CACNB2: variants seen among roughly 807,000 people sequenced by gnomAD.
The protein encoded by CACNB2 is voltage-dependent L-type calcium channel subunit beta-2.
In CACNB2, 42 loss-of-function variants were observed where a neutral mutation model predicts 73.3. The ratio of observed to expected loss-of-function variants is 0.57; its 90% CI spans 0.45 to 0.74. The LOEUF (loss-of-function observed/expected upper bound fraction) is 0.74. Among genes scored for constraint, CACNB2 ranks in the 30% least tolerant of loss-of-function variants. CACNB2 has a pLI of 0.00. For missense variants in CACNB2, 940 were observed against 853.0 expected, an observed-to-expected ratio of 1.10 and a Z score of -1.27; for synonymous variants, 348 against 310.3, an observed-to-expected ratio of 1.12 and a Z score of -1.28.
chr10:18,272,093 G>A (rs2038078542), intron 2 of CACNB2, among the ~76,000 whole-genome samples: 1 of 151,640 alleles, frequency 6.6e-6, no homozygotes, highest in Non-Finnish European at 1.5e-5. Context: ...TCCCCAGAGT[G>A]TCCCATTGAC....
At chr10:18,419,318 A>G (rs1589295946) in intron 3 of CACNB2, among the ~76,000 whole-genome samples, 1 of 150,134 alleles carries the variant, frequency 6.7e-6, no homozygotes, top group East Asian at 2.0e-4. Context: ...TGTATTCAGC[A>G]TACTTGCATG....
intron 3 of CACNB2, among the ~76,000 whole-genome samples, chr10:18,415,868 A>G (rs949925272): frequency 5.3e-5 from 8 of 152,138 alleles, no homozygotes; most frequent in Admixed American, 1.3e-4. Flanking sequence ...CTGAAACTCT[A>G]TATCATCTGA....
intron 2 of CACNB2, among the ~76,000 whole-genome samples, chr10:18,338,088 C>G (rs979641306): frequency 6.6e-6 from 1 of 152,220 alleles, no homozygotes; most frequent in Non-Finnish European, 1.5e-5. Flanking sequence ...AACCAAAAAG[C>G]TTTCTCATAG....
chr10:18,430,942 T>C (rs1310006546), intron 3 of CACNB2, among the ~76,000 whole-genome samples: 1 of 152,184 alleles, frequency 6.6e-6, no homozygotes, highest in South Asian at 2.1e-4. Context: ...TTTGTAATTA[T>C]ATTTCTATTT....
intron 3 of CACNB2, among the ~76,000 whole-genome samples, chr10:18,419,632 A>AG (rs2045208471): frequency 6.6e-6 from 1 of 152,176 alleles, no homozygotes; most frequent in Non-Finnish European, 1.5e-5. Flanking sequence ...AGACCCCAAG[A>AG]GCGGGTTCTT....
intron 3 of CACNB2, among the ~76,000 whole-genome samples, chr10:18,413,350 C>A (rs543790073): frequency 6.6e-6 from 1 of 152,200 alleles, no homozygotes; most frequent in Non-Finnish European, 1.5e-5. Flanking sequence ...GAGCTTTAAA[C>A]CACTGCCATC....
At chr10:18,413,792 C>T (rs1282888240) in intron 3 of CACNB2, among the ~76,000 whole-genome samples, 1 of 152,190 alleles carries the variant, frequency 6.6e-6, no homozygotes, top group East Asian at 1.9e-4. Flanking sequence ...CTCTGTTTGA[C>T]AGGATTCCAG....
At chr10:18,527,281 C>G (rs191088260) in intron 9 of CACNB2, among the ~76,000 whole-genome samples, 1 of 152,196 alleles carries the variant, frequency 6.6e-6, no homozygotes, top group East Asian at 1.9e-4. Context: ...GAGGCTGAGG[C>G]AGGAGAATCA....
chr10:18,501,594 A>T lies in CACNB2; in HGVS notation c.593+646A>T, dbSNP rs1418557281. On this transcript the variant is annotated intron_variant, in intron 5 of 13. Coordinates refer to ENST00000324631, the MANE Select transcript of CACNB2 (RefSeq NM_201596.3). ...GAAAGGCTTCTCGTAGATGTACTGA[A>T]TTTTCCATGGAATCGTATGCAGACG... Among the ~76,000 whole-genome samples, 3 of 152,210 alleles carry T rather than the reference A, an allele frequency of 2.0e-5. No individual in the cohort carries two copies. In the South Asian group the frequency reaches 6.2e-4, roughly 31 times the overall value.
intron 3 of CACNB2, among the ~76,000 whole-genome samples, chr10:18,453,559 C>T (rs1483845649): frequency 6.6e-6 from 1 of 152,212 alleles, no homozygotes; most frequent in South Asian, 2.1e-4. Flanking sequence ...CTCGTATCAC[C>T]CTGTTTATTT....
At chr10:18,286,858 A>C (rs768542845) in intron 2 of CACNB2, among the ~76,000 whole-genome samples, 8 of 152,208 alleles carry the variant, frequency 5.3e-5, no homozygotes, top group Non-Finnish European at 1.0e-4. Flanking sequence ...GTCAGAAGTT[A>C]CTGAAAATAA....
intron 4 of CACNB2, among the ~76,000 whole-genome samples, chr10:18,499,805 TAAAAAAA>T (rs60864177): frequency 8.5e-6 from 1 of 117,818 alleles, no homozygotes; most frequent in Non-Finnish European, 1.7e-5. Flanking sequence ...ACCCCATCTC[TAAAAAAA>T]AAAAAAAAAA....
chr10:18,165,995 T>C (rs1416490525), intron 2 of CACNB2, among the ~76,000 whole-genome samples: 1 of 152,182 alleles, frequency 6.6e-6, no homozygotes, highest in African/African-American at 2.4e-5. Context: ...AAGAAAGTTA[T>C]TTAGCTTAAA....
At chr10:18,187,169 A>C (rs1258392403) in intron 2 of CACNB2, among the ~76,000 whole-genome samples, 3 of 152,180 alleles carry the variant, frequency 2.0e-5, no homozygotes, top group Non-Finnish European at 4.4e-5. Flanking sequence ...ACAGCCATCA[A>C]GATGGGTCAG....
At chr10:18,377,514 C>T (rs1357722319) in intron 2 of CACNB2, among the ~76,000 whole-genome samples, 1 of 152,160 alleles carries the variant, frequency 6.6e-6, no homozygotes, top group East Asian at 1.9e-4. Context: ...TAAGTGTGGC[C>T]ATGTTCCAAT....
intron 2 of CACNB2, among the ~76,000 whole-genome samples, chr10:18,300,612 G>T (rs1222811307): frequency 6.6e-6 from 1 of 152,146 alleles, no homozygotes. Flanking sequence ...TTTAAAAAAT[G>T]CAATCTGACG....
intron 2 of CACNB2, among the ~76,000 whole-genome samples, chr10:18,258,079 G>T (rs1332819532): frequency 6.6e-6 from 1 of 152,132 alleles, no homozygotes; most frequent in Non-Finnish European, 1.5e-5. Flanking sequence ...GGAATACATG[G>T]ATTGTATTTT....
intron 2 of CACNB2, among the ~76,000 whole-genome samples, chr10:18,203,014 T>A (rs1588690933): frequency 6.6e-6 from 1 of 152,226 alleles, no homozygotes; most frequent in African/African-American, 2.4e-5. Flanking sequence ...TTTTCCTTGA[T>A]TGATGCTTTA....
chr10:18,273,399 A>G (rs2038142666), intron 2 of CACNB2, among the ~76,000 whole-genome samples: 1 of 151,892 alleles, frequency 6.6e-6, no homozygotes, highest in Non-Finnish European at 1.5e-5. Flanking sequence ...CAAAAAAAAA[A>G]GAGGGAAATG....
Sources: allele counts gnomAD v4.1 joint callset (sites outside exome capture counted in the v4.1 genomes callset), GRCh38; gene constraint gnomAD v4.1.1; transcripts MANE v1.5; gene names NCBI Gene and HGNC (gene_info 2026-07-23, HGNC 2026-07-21).